CCDC174: variants seen among roughly 807,000 people sequenced by gnomAD.
The protein encoded by CCDC174 is coiled-coil domain containing 174.
CCDC174 carries 37 observed loss-of-function variants against 57.1 expected under a neutral mutation model. The observed-to-expected ratio is 0.65, with a 90% CI of 0.50 to 0.85. CCDC174 has a LOEUF of 0.85. CCDC174 is among the 40% of genes least tolerant of loss of function. The probability of loss-of-function intolerance (pLI) is 0.00; values close to 1 mark genes in which losing one functional copy is unlikely to be tolerated. For missense variants in CCDC174, 540 were observed against 574.3 expected, an observed-to-expected ratio of 0.94 and a Z score of 0.61; for synonymous variants, 182 against 190.2, an observed-to-expected ratio of 0.96 and a Z score of 0.35.
intron 1 of CCDC174, 52 bp downstream of exon 1, chr3:14,651,930 A>C (rs749703879): frequency 1.1e-5 from 18 of 1,569,580 alleles, no homozygotes; most frequent in Non-Finnish European, 1.3e-5. Flanking sequence ...CCGTGTCTCC[A>C]TCAGACAAGA....
In CCDC174 at chr3:14,661,588, C is replaced by G. The variant is rs777587935; in HGVS notation, c.366C>G (p.Arg122=). Residue 122 remains arginine (R), a synonymous_variant, in exon 5 of 11, where the codon CGC becomes CGG. Coordinates refer to ENST00000383794, the MANE Select transcript of CCDC174 (RefSeq NM_016474.5). ...VDFTQKIIDK[R]KEMEASGAHR... is the part of the protein sequence containing the mutation. ...TCACACAGAAGATCATAGACAAGCG[C>G]AAAGAAATGGAGGCATCTGGTGCCC... 3.1e-6 allele frequency: 5 copies of G among 1,614,032 alleles called. No homozygotes were observed. The South Asian group carries it at 4.4e-5, about 14-fold the overall frequency.
At chr3:14,667,606 G>T in intron 8 of CCDC174, 88 bp downstream of exon 8, 2 of 979,428 alleles carry the variant, frequency 2.0e-6, no homozygotes, top group South Asian at 1.4e-5. Context: ...TAGTAAATTA[G>T]TTAGAAATTA....
chr3:14,651,852 A>AAGCCTTT lies in CCDC174; in HGVS notation c.17_23dup (p.Asp9AlafsTer13). The AAGCCTTT allele has an allele frequency of 6.2e-7, 1 of 1,614,084 alleles. No homozygotes were observed. Among genetic ancestry groups the AAGCCTTT allele is most frequent in the East Asian group, 2.2e-5 (1 of 44,874 alleles). ...TGCCACGACCATGGACCGTAGGAAA[A>AAGCCTTT]AGCCTTTGGACGTCACGGCCTCCTC... is the stretch of plus-strand genomic sequence containing the variant. On this transcript the variant is annotated frameshift_variant, in exon 1 of 11. Coordinates refer to ENST00000383794, the MANE Select transcript of CCDC174 (RefSeq NM_016474.5). LOFTEE classifies it high-confidence loss of function.
At chr3:14,652,539 T>C (rs2030807596) in intron 1 of CCDC174, among the ~76,000 whole-genome samples, 1 of 152,214 alleles carries the variant, frequency 6.6e-6, no homozygotes, top group Non-Finnish European at 1.5e-5. Context: ...GCTATTAATA[T>C]CTCCGTTTTA....
rs1192725599 is a variant in CCDC174, at chr3:14,671,242, T to C, written c.*48T>C. On this transcript the variant is annotated 3_prime_UTR_variant, in exon 11 of 11. Transcript: ENST00000383794. The stretch of plus-strand genomic sequence containing the variant: ...GGTTTGTACTTTGACAGTGCCTTTC[T>C]CTCCCAGAGGGAGAAATAACTTTAG... 1 of 1,522,634 alleles carries C rather than the reference T, an allele frequency of 6.6e-7. No homozygotes were observed. Among genetic ancestry groups the C allele is most frequent in the African/African-American group, 1.4e-5 (1 of 72,590 alleles). 94.3% of individuals were successfully genotyped at this position (1,522,634 alleles called of 1,614,324 possible).
intron 1 of CCDC174, among the ~76,000 whole-genome samples, chr3:14,652,757 C>T (rs1018424015): frequency 7.9e-5 from 12 of 152,110 alleles, no homozygotes; most frequent in Non-Finnish European, 1.3e-4. Flanking sequence ...AAAAAATTAG[C>T]CGGGCGTGGT....
At chr3:14,665,328 G>A (rs1426107490) in intron 6 of CCDC174, among the ~76,000 whole-genome samples, 1 of 152,186 alleles carries the variant, frequency 6.6e-6, no homozygotes, top group African/African-American at 2.4e-5. Context: ...AACCTGACTG[G>A]TGGATGAGTA....
intron 1 of CCDC174, 145 bp downstream of exon 1, chr3:14,652,023 C>T (rs2030785973): frequency 1.2e-6 from 1 of 825,434 alleles, no homozygotes; most frequent in Non-Finnish European, 2.0e-6. Context: ...ACTGGATTTT[C>T]TTCTCCGGCG....
chr3:14,670,100 G>C lies in CCDC174; in HGVS notation c.1105+14G>C, dbSNP rs1229484670. On this transcript the variant is annotated intron_variant, in intron 10 of 10. Transcript: ENST00000383794. ...ACCGCGGAAAAGGTAAGGGAGGTGG[G>C]CTCTGAGGTGTAAGAACTCTCCAGT... 5 of 1,594,196 alleles carry C rather than the reference G, an allele frequency of 3.1e-6. No homozygotes were observed. The South Asian group carries it at 5.7e-5, about 18-fold the overall frequency.
intron 5 of CCDC174, among the ~76,000 whole-genome samples, chr3:14,663,799 A>G (rs1373721194): frequency 6.6e-6 from 1 of 152,226 alleles, no homozygotes; most frequent in Non-Finnish European, 1.5e-5. Flanking sequence ...TGTGATTACA[A>G]GCAATTTGCT....
At chr3:14,665,482 G>T (rs2031285133) in intron 6 of CCDC174, among the ~76,000 whole-genome samples, 1 of 152,182 alleles carries the variant, frequency 6.6e-6, no homozygotes, top group Non-Finnish European at 1.5e-5. Context: ...TCTAGGGAGA[G>T]AACTTACTCA....
intron 5 of CCDC174, among the ~76,000 whole-genome samples, chr3:14,662,424 T>C (rs1258896161): frequency 6.6e-6 from 1 of 151,344 alleles, no homozygotes; most frequent in Non-Finnish European, 1.5e-5. Context: ...ACTTTTATTA[T>C]TGTCATTTTC....
Position 14,661,694 on chromosome 3 carries a change from C to T in CCDC174, c.472C>T (p.Pro158Ser), listed in dbSNP as rs145180886. The change falls in exon 5 of 11, where the codon CCC (proline) becomes TCC (serine). Residue 158 changes from proline (P) to serine (S), a missense_variant. By Grantham distance (74) the Pro-to-Ser change is moderately conservative. Coordinates refer to ENST00000383794, the MANE Select transcript of CCDC174 (RefSeq NM_016474.5). The stretch of plus-strand genomic sequence containing the variant: ...GGGAGAGATCCCTCCTCCCCAAGAC[C>T]CCAGTGAAGAATGGTTGGTAACATC... The part of the protein sequence containing the change: ...PEGEIPPPQD[P>S]SEEWVDYVDS... 1.7e-3 allele frequency: 2,781 copies of T among 1,611,986 alleles called. 8 individuals are homozygous for T. Among genetic ancestry groups the T allele is most frequent in the Non-Finnish European group, 2.2e-3 (2,591 of 1,179,322 alleles).
In CCDC174 at chr3:14,651,852, A is replaced by G; in HGVS notation, c.16A>G (p.Lys6Glu). Residue 6 changes from lysine (K) to glutamate (E), a missense_variant, in exon 1 of 11, where the codon AAG becomes GAG. Transcript: ENST00000383794. MDRRKKPLDVTASSLV... is the reference protein window; with the variant it reads MDRRKEPLDVTASSLV... ...TGCCACGACCATGGACCGTAGGAAAAAGCCTTTGGACGTCACGGCCTCCTC... is the reference window on the plus strand; with the variant it reads ...TGCCACGACCATGGACCGTAGGAAAGAGCCTTTGGACGTCACGGCCTCCTC... 6.2e-7 allele frequency: 1 copy of G among 1,614,084 alleles called. No individual in the cohort carries two copies. The highest frequency in any genetic ancestry group is 8.5e-7 in the Non-Finnish European group (1 of 1,179,984).
In CCDC174 at chr3:14,671,253, G is replaced by T; in HGVS notation, c.*59G>T. On this transcript the variant is annotated 3_prime_UTR_variant, in exon 11 of 11. Coordinates refer to ENST00000383794, the MANE Select transcript of CCDC174 (RefSeq NM_016474.5). ...TGACAGTGCCTTTCTCTCCCAGAGG[G>T]AGAAATAACTTTAGGAACTGAATTG... The T allele has an allele frequency of 6.7e-7, 1 of 1,489,452 alleles. No individual in the cohort carries two copies. Among genetic ancestry groups the T allele is most frequent in the Non-Finnish European group, 9.1e-7 (1 of 1,094,834 alleles). 92.3% of individuals were successfully genotyped at this position (1,489,452 alleles called of 1,614,324 possible).
At chr3:14,659,035 G>T in intron 4 of CCDC174, 106 bp downstream of exon 4, 3 of 1,119,530 alleles carry the variant, frequency 2.7e-6, no homozygotes, top group Non-Finnish European at 2.4e-6. Context: ...AAATTTAGAC[G>T]TCAAAATTTT....
chr3:14,668,273 A>G (rs1366486508), intron 9 of CCDC174, 92 bp downstream of exon 9: 30 of 1,269,744 alleles, frequency 2.4e-5, no homozygotes, highest in Non-Finnish European at 3.1e-5. Context: ...AAAATTAGCC[A>G]TTTAGTTTTA....
chr3:14,670,894 A>G lies in CCDC174; in HGVS notation c.1106-2A>G. The G allele has an allele frequency of 6.3e-7, 1 of 1,587,078 alleles. No homozygotes were observed. The highest frequency in any genetic ancestry group is 1.1e-5 in the South Asian group (1 of 88,416). On this transcript the variant is annotated splice_acceptor_variant, in intron 10 of 10. Coordinates refer to ENST00000383794, the MANE Select transcript of CCDC174 (RefSeq NM_016474.5). LOFTEE classifies it high-confidence loss of function. ...AATAACTTTCTTTCTTATTTTTACC[A>G]GAATTTTCCTTTGGATACTGGTCGA...
At chr3:14,670,543 C>T (rs1171901741) in intron 10 of CCDC174, among the ~76,000 whole-genome samples, 1 of 152,200 alleles carries the variant, frequency 6.6e-6, no homozygotes, top group Non-Finnish European at 1.5e-5. Context: ...AGATGAAATA[C>T]CAGACAAGGT....
Sources: allele counts gnomAD v4.1 joint callset (sites outside exome capture counted in the v4.1 genomes callset), GRCh38; gene constraint gnomAD v4.1.1; transcripts MANE v1.5; gene names NCBI Gene and HGNC (gene_info 2026-07-23, HGNC 2026-07-21).